Variants in CAMSAP1 observed in about 807,000 individuals in gnomAD.
CAMSAP1 encodes the protein calmodulin regulated spectrin associated protein 1.
In CAMSAP1, 58 loss-of-function variants were observed where a neutral mutation model predicts 143.5. That is an observed-to-expected ratio of 0.40 (90% CI 0.33 to 0.50). CAMSAP1 has a LOEUF of 0.50. CAMSAP1 is among the 20% of genes least tolerant of loss of function. The pLI, the probability that CAMSAP1 is intolerant of heterozygous loss-of-function variation, is 0.45. For missense variants in CAMSAP1, 1,969 were observed against 2,115.7 expected, an observed-to-expected ratio of 0.93 and a Z score of 1.36; for synonymous variants, 945 against 859.3, an observed-to-expected ratio of 1.10 and a Z score of -1.74.
Position 135,850,209 on chromosome 9 carries a change from C to A in CAMSAP1, c.973G>T (p.Glu325Ter). The change falls in exon 7 of 17, where the codon GAG (glutamate) becomes TAG (stop). Residue 325 changes from glutamate to a stop codon, truncating the protein, a stop_gained. Coordinates refer to ENST00000389532, the MANE Select transcript of CAMSAP1 (RefSeq NM_015447.4). LOFTEE classifies it high-confidence loss of function. The stretch of plus-strand genomic sequence containing the variant: ...ACATTCTCGAACCACCAAAAAAGCT[C>A]CGCAATAAAAACCATAACATTCGGC... ...LKPNVMVFIAELFWWFENVKP... is the reference protein window; with the variant it reads ...LKPNVMVFIA 6.2e-7 allele frequency: 1 copy of A among 1,613,000 alleles called. No individual in the cohort carries two copies.
In CAMSAP1 at chr9:135,815,173, G is replaced by A. The variant is rs752767875; in HGVS notation, c.4430C>T (p.Pro1477Leu). The A allele has an allele frequency of 4.3e-6, 7 of 1,613,744 alleles. No individual in the cohort carries two copies. Among genetic ancestry groups the A allele is most frequent in the South Asian group, 1.1e-5 (1 of 91,006 alleles). The change falls in exon 16 of 17, where the codon CCG becomes CTG. Residue 1477 changes from proline (P) to leucine (L), a missense_variant. Transcript: ENST00000389532. ...FKEPSSKSNK[P>L]IIHNAISHCC... ...ATGGGATATGGCATTGTGAATAATCGGCTTGTTTGATTTACTACTGGGCTC... is the reference window on the plus strand; with the variant it reads ...ATGGGATATGGCATTGTGAATAATCAGCTTGTTTGATTTACTACTGGGCTC...
chr9:135,858,892 GAGAGAGC>G (rs1403779749), intron 5 of CAMSAP1, among the ~76,000 whole-genome samples: 5 of 152,234 alleles, frequency 3.3e-5, no homozygotes, highest in Non-Finnish European at 5.9e-5. Context: ...CAGTAAGGGA[GAGAGAGC>G]AGAGAGCAGA....
chr9:135,871,106 A>C (rs1837557144), intron 3 of CAMSAP1, among the ~76,000 whole-genome samples: 1 of 152,240 alleles, frequency 6.6e-6, no homozygotes, highest in African/African-American at 2.4e-5. Context: ...ATTAAATGCA[A>C]AAGTAGATAG....
At chr9:135,861,790 G>A (rs933310067) in intron 5 of CAMSAP1, among the ~76,000 whole-genome samples, 1 of 152,176 alleles carries the variant, frequency 6.6e-6, no homozygotes, top group African/African-American at 2.4e-5. Flanking sequence ...GCCTACTTCA[G>A]AATGAATGGG....
At chr9:135,871,181 A>G (rs1397426314) in intron 3 of CAMSAP1, among the ~76,000 whole-genome samples, 2 of 152,174 alleles carry the variant, frequency 1.3e-5, no homozygotes, top group African/African-American at 4.8e-5. Context: ...AATAACTGCC[A>G]TCTTCCTTAT....
intron 14 of CAMSAP1, among the ~76,000 whole-genome samples, 157 bp from the exon 15 acceptor site, chr9:135,816,162 C>A (rs917933156): frequency 6.6e-6 from 1 of 152,232 alleles, no homozygotes; most frequent in Non-Finnish European, 1.5e-5. Context: ...AACTCCCACA[C>A]AGTACAGACA....
chr9:135,866,889 A>G (rs1284067663), intron 3 of CAMSAP1, among the ~76,000 whole-genome samples: 1 of 152,198 alleles, frequency 6.6e-6, no homozygotes. Flanking sequence ...GCCACTTACA[A>G]AACAATCTGG....
rs1306249543 is a variant in CAMSAP1 at position 135,882,529 on chromosome 9, G to C, written c.423+287C>G. ...CAATTACATTTCTCATCTGTAAAAA[G>C]TCTGCTTCAAGTATTTTTATTAACA... On this transcript the variant is annotated intron_variant, in intron 2 of 16. Coordinates refer to ENST00000389532, the MANE Select transcript of CAMSAP1 (RefSeq NM_015447.4). The surrounding 1 kb of genome is among the most constrained non-coding windows in gnomAD (Gnocchi z 4.9). Among the ~76,000 whole-genome samples the C allele has an allele frequency of 1.3e-5, 2 of 152,198 alleles. No individual in the cohort carries two copies. The highest frequency in any genetic ancestry group is 2.1e-4 in the South Asian group (1 of 4,832).
At chr9:135,887,078 T>C (rs940914465) in intron 1 of CAMSAP1, among the ~76,000 whole-genome samples, 4 of 151,830 alleles carry the variant, frequency 2.6e-5, no homozygotes, top group Non-Finnish European at 4.4e-5. Flanking sequence ...TTGGAACCCA[T>C]TACATATACA....
At chr9:135,825,972 G>A (rs1206285884) in intron 8 of CAMSAP1, among the ~76,000 whole-genome samples, 1 of 152,214 alleles carries the variant, frequency 6.6e-6, no homozygotes, top group Non-Finnish European at 1.5e-5. Flanking sequence ...GAGCAGGAAT[G>A]GCACAGGGAC....
At chr9:135,841,581 G>C (rs1836355312) in intron 7 of CAMSAP1, among the ~76,000 whole-genome samples, 1 of 152,234 alleles carries the variant, frequency 6.6e-6, no homozygotes, top group Non-Finnish European at 1.5e-5. Context: ...GGGGTCAACA[G>C]ACACCTCATA....
In CAMSAP1 at chr9:135,827,404, T is replaced by C. The variant is rs1253295701; in HGVS notation, c.1223+3A>G. On this transcript the variant is annotated splice_donor_region_variant and intron_variant, in intron 8 of 16. Coordinates refer to ENST00000389532, the MANE Select transcript of CAMSAP1 (RefSeq NM_015447.4). ...GATTCTGAAAGCAGAAAGACAGACT[T>C]ACAGGTATTCAGGTTCTTCCGGGTG... The C allele has an allele frequency of 1.3e-6, 2 of 1,547,188 alleles. No homozygotes were observed. Among genetic ancestry groups the C allele is most frequent in the Non-Finnish European group, 1.8e-6 (2 of 1,138,988 alleles).
chr9:135,884,244 A>G (rs1393990021), intron 1 of CAMSAP1, among the ~76,000 whole-genome samples: 1 of 152,054 alleles, frequency 6.6e-6, no homozygotes, highest in African/African-American at 2.4e-5. Flanking sequence ...AACCAGTAAC[A>G]CTAGAGACAT....
intron 1 of CAMSAP1, among the ~76,000 whole-genome samples, chr9:135,902,918 T>C (rs1052010706): frequency 2.6e-5 from 4 of 152,176 alleles, no homozygotes; most frequent in South Asian, 2.1e-4. Context: ...TCAGGGCAGC[T>C]TGGCTCTGCA....
intron 3 of CAMSAP1, among the ~76,000 whole-genome samples, chr9:135,879,181 G>A (rs1056893493): frequency 1.3e-5 from 2 of 152,122 alleles, no homozygotes; most frequent in African/African-American, 2.4e-5. Flanking sequence ...CCACAAATGA[G>A]GAGTCAGGAG....
In CAMSAP1 at chr9:135,818,646, C is replaced by T. The variant is rs767969639; in HGVS notation, c.3960-30G>A. The T allele has an allele frequency of 3.1e-6, 5 of 1,604,412 alleles. No individual in the cohort carries two copies. The highest frequency in any genetic ancestry group is 1.7e-5 in the Admixed American group (1 of 59,812). ...GAGAAACACACGCCCAGACACTGCTCGGTCACGGGGCTTCTTCCACGACGC... is the reference window on the plus strand; with the variant it reads ...GAGAAACACACGCCCAGACACTGCTTGGTCACGGGGCTTCTTCCACGACGC... On this transcript the variant is annotated intron_variant, in intron 12 of 16. Transcript: ENST00000389532. The surrounding 1 kb of genome is among the most constrained non-coding windows in gnomAD (Gnocchi z 7.7).
intron 1 of CAMSAP1, among the ~76,000 whole-genome samples, chr9:135,887,337 C>T (rs1838155228): frequency 1.3e-5 from 2 of 152,142 alleles, no homozygotes; most frequent in Admixed American, 6.5e-5. Context: ...CCACAGAGCC[C>T]GCCGGACTCA....
At chr9:135,864,998 C>T (rs1369929608) in intron 4 of CAMSAP1, among the ~76,000 whole-genome samples, 1 of 152,186 alleles carries the variant, frequency 6.6e-6, no homozygotes, top group Non-Finnish European at 1.5e-5. Context: ...TCAGAAAGAA[C>T]AAAATATACA....
At chr9:135,901,685 C>T (rs1399846912) in intron 1 of CAMSAP1, among the ~76,000 whole-genome samples, 6 of 152,126 alleles carry the variant, frequency 3.9e-5, no homozygotes, top group Admixed American at 3.3e-4. Context: ...TCAGGTAGAA[C>T]ACCTGTCTAT....
Sources: allele counts gnomAD v4.1 joint callset (sites outside exome capture counted in the v4.1 genomes callset), GRCh38; gene constraint gnomAD v4.1.1; non-coding constraint Gnocchi (gnomAD v3.1); transcripts MANE v1.5; gene names NCBI Gene and HGNC (gene_info 2026-07-23, HGNC 2026-07-21).